Variants in MBD5 observed in about 807,000 individuals in gnomAD.
MBD5 encodes methyl-CpG-binding domain protein 5.
A neutral mutation model predicts 117.3 loss-of-function variants in MBD5; 13 were observed. The observed-to-expected ratio is 0.11, with a 90% CI of 0.07 to 0.18. The LOEUF (loss-of-function observed/expected upper bound fraction) is 0.18. Ranked by LOEUF, MBD5 falls within the 10% of genes least tolerant of loss-of-function variation. MBD5 has a pLI of 1.00. For synonymous variants in MBD5, 727 were observed against 766.4 expected, an observed-to-expected ratio of 0.95 and a Z score of 0.85; for missense variants, 1,879 against 2,093.8, an observed-to-expected ratio of 0.90 and a Z score of 2.00.
Position 148,513,216 on chromosome 2 carries a change from A to G in MBD5, c.*275A>G. The G allele has an allele frequency of 2.4e-6, 1 of 412,642 alleles. No homozygotes were observed. The highest frequency in any genetic ancestry group is 4.4e-6 in the Non-Finnish European group (1 of 225,538). The allele number at this position is 412,642 out of a possible 1,614,324, so 25.6% of individuals were successfully genotyped here. ...TCTTTTTCTATAATACTAAATTGTG[A>G]TTATAAGAAATAGTCCAAATGTTTC... On this transcript the variant is annotated 3_prime_UTR_variant, in exon 14 of 14. Coordinates refer to ENST00000642680, the MANE Select transcript of MBD5 (RefSeq NM_001378120.1).
intron 5 of MBD5, among the ~76,000 whole-genome samples, chr2:148,460,905 C>T (rs1014699780): frequency 3.9e-5 from 6 of 152,126 alleles, no homozygotes; most frequent in South Asian, 2.1e-4. Flanking sequence ...ATGAATGCTT[C>T]ACATGAAAAA....
intron 2 of MBD5, among the ~76,000 whole-genome samples, chr2:148,227,802 T>C (rs904222311): frequency 6.6e-6 from 1 of 152,222 alleles, no homozygotes; most frequent in Non-Finnish European, 1.5e-5. Context: ...AGCAGTGGTT[T>C]GTAGTTCTCC....
intron 4 of MBD5, among the ~76,000 whole-genome samples, chr2:148,382,467 G>A (rs1280957187): frequency 6.6e-6 from 1 of 152,112 alleles, no homozygotes; most frequent in Admixed American, 6.5e-5. Context: ...AGTCCTTAGT[G>A]ACCTACAAAG....
intron 2 of MBD5, among the ~76,000 whole-genome samples, chr2:148,181,209 T>G (rs2105855589): frequency 6.6e-6 from 1 of 152,354 alleles, no homozygotes; most frequent in South Asian, 2.1e-4. Context: ...TTGCCATGTT[T>G]TTACTGCTGC....
chr2:148,311,787 C>T (rs1303358701), intron 3 of MBD5, among the ~76,000 whole-genome samples: 4 of 152,084 alleles, frequency 2.6e-5, no homozygotes, highest in East Asian at 1.9e-4. Context: ...TGGCTGATAC[C>T]GGTTTTTCCT....
chr2:148,423,043 A>C (rs565495765), intron 4 of MBD5, among the ~76,000 whole-genome samples: 60 of 152,322 alleles, frequency 3.9e-4, no homozygotes, highest in Non-Finnish European at 7.5e-4. Flanking sequence ...CCAACCTAGC[A>C]AGACAGGCCA....
intron 4 of MBD5, among the ~76,000 whole-genome samples, chr2:148,434,088 G>A (rs1452953137): frequency 1.3e-5 from 2 of 151,732 alleles, no homozygotes; most frequent in Non-Finnish European, 1.5e-5. Context: ...GTCTGTTCAG[G>A]GATTCAGTTT....
intron 4 of MBD5, among the ~76,000 whole-genome samples, chr2:148,415,568 G>C (rs1402777373): frequency 6.6e-6 from 1 of 152,128 alleles, no homozygotes; most frequent in African/African-American, 2.4e-5. Context: ...TTTCCAGGTT[G>C]CTTGCTTTCT....
intron 2 of MBD5, among the ~76,000 whole-genome samples, chr2:148,209,722 G>A (rs932728527): frequency 6.6e-6 from 1 of 151,960 alleles, no homozygotes; most frequent in Non-Finnish European, 1.5e-5. Context: ...TCTTATCAGG[G>A]CCTCAGGAAG....
intron 3 of MBD5, among the ~76,000 whole-genome samples, chr2:148,278,921 G>A (rs147725319): frequency 2.4e-4 from 36 of 152,322 alleles, no homozygotes; most frequent in African/African-American, 8.2e-4. Flanking sequence ...CTGGAGTTCT[G>A]AAGTCCCAAG....
intron 3 of MBD5, among the ~76,000 whole-genome samples, chr2:148,234,251 T>C (rs191658343): frequency 6.6e-6 from 1 of 152,128 alleles, no homozygotes; most frequent in Non-Finnish European, 1.5e-5. Flanking sequence ...ACAAAGAAAC[T>C]ATATATATAT....
chr2:148,328,078 A>AG (rs1168096009), intron 3 of MBD5, among the ~76,000 whole-genome samples: 1 of 152,024 alleles, frequency 6.6e-6, no homozygotes, highest in Non-Finnish European at 1.5e-5. Flanking sequence ...CCTCAGCTGC[A>AG]GGTCTGTTGG....
At chr2:148,453,792 T>C (rs1706800495) in intron 4 of MBD5, among the ~76,000 whole-genome samples, 1 of 152,018 alleles carries the variant, frequency 6.6e-6, no homozygotes, top group Non-Finnish European at 1.5e-5. Context: ...GGTGAAGTTA[T>C]CAGAATCATG....
chr2:148,044,296 A>G (rs764731791), intron 1 of MBD5: 22 of 152,224 alleles, frequency 1.4e-4, no homozygotes, highest in Non-Finnish European at 2.9e-4. Context: ...ACATGCCATT[A>G]TCTCATTTCC....
At chr2:148,419,330 T>C (rs541521541) in intron 4 of MBD5, among the ~76,000 whole-genome samples, 1 of 152,280 alleles carries the variant, frequency 6.6e-6, no homozygotes, top group South Asian at 2.1e-4. Flanking sequence ...ATTTGCTTTT[T>C]ATATCTTTTA....
chr2:148,113,365 T>A (rs1696547686), intron 1 of MBD5, among the ~76,000 whole-genome samples: 1 of 152,238 alleles, frequency 6.6e-6, no homozygotes, highest in Admixed American at 6.5e-5. Context: ...CAAAAACTTT[T>A]TTTTTAACAG....
chr2:148,420,573 T>C (rs1298422693), intron 4 of MBD5, among the ~76,000 whole-genome samples: 1 of 152,242 alleles, frequency 6.6e-6, no homozygotes, highest in East Asian at 1.9e-4. Context: ...TTTGTGTATA[T>C]GTTTTTAGAA....
At chr2:148,341,934 A>T (rs1326126848) in intron 3 of MBD5, among the ~76,000 whole-genome samples, 1 of 152,036 alleles carries the variant, frequency 6.6e-6, no homozygotes, top group Non-Finnish European at 1.5e-5. Context: ...ATACAAAATT[A>T]TACTACTATT....
intron 1 of MBD5, among the ~76,000 whole-genome samples, chr2:148,078,903 A>C (rs1695573277): frequency 6.6e-6 from 1 of 152,210 alleles, no homozygotes; most frequent in East Asian, 1.9e-4. Context: ...CAAGTGTGTT[A>C]ATTATTTTAT....
Sources: gnomAD v4.1 joint callset for allele counts (sites outside exome capture counted in the v4.1 genomes callset) on GRCh38, gnomAD v4.1.1 for gene constraint, MANE v1.5 for transcripts, NCBI Gene and HGNC (gene_info 2026-07-23, HGNC 2026-07-21) for gene names.